SPOCD1: variants seen among roughly 807,000 people sequenced by gnomAD.
SPOCD1 encodes the protein SPOC domain containing 1.
Under a neutral mutation model 92.2 loss-of-function variants are expected in SPOCD1, and 64 were observed. The ratio of observed to expected loss-of-function variants is 0.69; its 90% CI spans 0.57 to 0.86. The LOEUF (loss-of-function observed/expected upper bound fraction) is 0.86. Among genes scored for constraint, SPOCD1 ranks in the 40% least tolerant of loss-of-function variants. The pLI is 0.00. For missense variants in SPOCD1, 1,360 were observed against 1,543.1 expected, an observed-to-expected ratio of 0.88 and a Z score of 1.99; for synonymous variants, 578 against 619.3, an observed-to-expected ratio of 0.93 and a Z score of 0.99.
intron 9 of SPOCD1, among the ~76,000 whole-genome samples, chr1:31,797,009 G>A (rs1648077706): frequency 6.6e-6 from 1 of 152,188 alleles, no homozygotes; most frequent in African/African-American, 2.4e-5. Flanking sequence ...TGGGAAGGGT[G>A]TGGTGTTGCT....
intron 2 of SPOCD1, among the ~76,000 whole-genome samples, chr1:31,808,496 A>G (rs959778907): frequency 2.7e-5 from 4 of 150,472 alleles, no homozygotes; most frequent in Non-Finnish European, 5.9e-5. Context: ...AATAATTATA[A>G]TAATAATTAT....
intron 2 of SPOCD1, among the ~76,000 whole-genome samples, chr1:31,810,665 G>A (rs1570202751): frequency 6.6e-6 from 1 of 152,142 alleles, no homozygotes; most frequent in Non-Finnish European, 1.5e-5. Flanking sequence ...ACCTTTAATG[G>A]TTAATGTAAG....
chr1:31,790,847 C>T lies in SPOCD1; in HGVS notation c.3407G>A (p.Gly1136Asp). ...ACAGGAGTCCCTGTGGAAGTGCTGG[C>T]CACGGCCAAAGCCATGACCAGCTGG... is the stretch of plus-strand genomic sequence containing the variant. Reference protein sequence around the residue: ...VAPAGHGFGRGQHFHRDSCPH... With the variant: ...VAPAGHGFGRDQHFHRDSCPH... Residue 1136 changes from glycine to aspartate, a missense_variant, in exon 16 of 16, where the codon GGC becomes GAC. Gly to Asp is a moderately conservative substitution (Grantham distance 94). This residue lies in a region of SPOCD1 where 614 missense variants were observed against 757.8 expected (regional missense o/e 0.81). Coordinates refer to ENST00000360482, the MANE Select transcript of SPOCD1 (RefSeq NM_144569.7). The T allele has an allele frequency of 2.6e-6, 4 of 1,545,288 alleles. No individual in the cohort carries two copies. Among genetic ancestry groups the T allele is most frequent in the East Asian group, 2.3e-5 (1 of 42,630 alleles).
At position 31,814,710 on chromosome 1, in the gene SPOCD1, T is replaced by C. The variant is rs746692907; in HGVS notation, c.624A>G (p.Lys208=). ...PDPVPVRVRK[K]WRRQGAHSEC... ...CTGAATGAGCCCCTTGCCTCCTCCATTTCTTTCTTACCCTCACAGGGACTG... is the reference window on the plus strand; with the variant it reads ...CTGAATGAGCCCCTTGCCTCCTCCACTTCTTTCTTACCCTCACAGGGACTG... Residue 208 remains lysine, a synonymous_variant, in exon 2 of 16, where the codon AAA becomes AAG. Transcript: ENST00000360482. The surrounding 1 kb of genome is among the most constrained non-coding windows in gnomAD (Gnocchi z 4.2). The C allele has an allele frequency of 1.2e-6, 2 of 1,606,576 alleles. No individual in the cohort carries two copies. The highest frequency in any genetic ancestry group is 2.2e-5 in the South Asian group (2 of 90,138).
At chr1:31,792,006 T>A in intron 15 of SPOCD1, 1 of 607,344 alleles carries the variant, frequency 1.6e-6, no homozygotes. Context: ...CAAGAATTCA[T>A]CTAGGTAAAG....
At chr1:31,795,957 G>A (rs1647980119) in intron 10 of SPOCD1, 1 of 158,450 alleles carries the variant, frequency 6.3e-6, no homozygotes, top group Non-Finnish European at 1.4e-5. Flanking sequence ...GCAGGAGTCT[G>A]AGATGATGGC....
chr1:31,813,553 G>C (rs566796355), intron 2 of SPOCD1, among the ~76,000 whole-genome samples: 12 of 152,364 alleles, frequency 7.9e-5, no homozygotes, highest in Non-Finnish European at 4.4e-5. Context: ...GTGAGCCACT[G>C]CACCAGGCCT....
rs370262961 is a variant in SPOCD1 at position 31,799,921 on chromosome 1, G to A, written c.1729-58C>T. The A allele has an allele frequency of 4.0e-5, 65 of 1,613,690 alleles. No individual in the cohort carries two copies. The African/African-American group carries it at 7.9e-4, about 20-fold the overall frequency. The stretch of plus-strand genomic sequence containing the variant: ...CTGGTGGGCCTGGCTTCCAGCCCAG[G>A]GGACACTGCTTCCTCTAGTCACCTC... On this transcript the variant is annotated intron_variant, in intron 5 of 15. Coordinates refer to ENST00000360482, the MANE Select transcript of SPOCD1 (RefSeq NM_144569.7).
chr1:31,802,406 G>A (rs1440153071), intron 2 of SPOCD1, among the ~76,000 whole-genome samples: 1 of 152,176 alleles, frequency 6.6e-6, no homozygotes, highest in Non-Finnish European at 1.5e-5. Flanking sequence ...GGCTCCAAGA[G>A]GATCTGAAAA....
rs1647526140 is a variant in SPOCD1, at chr1:31,790,776, T to C, written c.3478A>G (p.Ser1160Gly). The C allele has an allele frequency of 6.5e-7, 1 of 1,549,326 alleles. No individual in the cohort carries two copies. Among genetic ancestry groups the C allele is most frequent in the South Asian group, 1.2e-5 (1 of 83,818 alleles). Residue 1160 changes from serine (S) to glycine (G), a missense_variant, in exon 16 of 16, where the codon AGT becomes GGT. Ser to Gly is a moderately conservative substitution (Grantham distance 56). Transcript: ENST00000360482. Reference protein sequence around the residue: ...LRHLESLATMSHQLQALLCPQ... With the variant: ...LRHLESLATMGHQLQALLCPQ... Reference sequence around the variant, plus strand: ...CACAGTAAGGCTTGGAGCTGGTGACTCATGGTCGCCAGGGATTCGAGGTGC... The same window carrying C: ...CACAGTAAGGCTTGGAGCTGGTGACCCATGGTCGCCAGGGATTCGAGGTGC...
intron 10 of SPOCD1, 179 bp downstream of exon 10, chr1:31,796,411 C>G (rs1648024068): frequency 2.1e-6 from 2 of 973,318 alleles, no homozygotes. Flanking sequence ...CCTGTGCCAG[C>G]AGCACTGTCC....
At chr1:31,803,270 C>T (rs10798891) in intron 2 of SPOCD1, among the ~76,000 whole-genome samples, 100,989 of 151,932 alleles carry the variant, frequency 0.66, 33,601 homozygotes, top group South Asian at 0.72. Context: ...AAAAAACAAC[C>T]GGGCAGATTT....
chr1:31,790,682 G>T lies in SPOCD1; in HGVS notation c.3572C>A (p.Pro1191His), dbSNP rs1647517078. 6.4e-7 allele frequency: 1 copy of T among 1,551,938 alleles called. No homozygotes were observed. Among genetic ancestry groups the T allele is most frequent in the Non-Finnish European group, 8.7e-7 (1 of 1,147,080 alleles). The change falls in exon 16 of 16, where the codon CCC becomes CAC. Residue 1191 changes from proline (P) to histidine (H), a missense_variant. This residue lies in a region of SPOCD1 where 614 missense variants were observed against 757.8 expected (regional missense o/e 0.81). Coordinates refer to ENST00000360482, the MANE Select transcript of SPOCD1 (RefSeq NM_144569.7). Reference protein sequence around the residue: ...RLSSALAAPEPPGPARDSSLG... With the variant: ...RLSSALAAPEHPGPARDSSLG... ...AGAGGAGTCACGGGCTGGGCCAGGGGGCTCTGGAGCTGCAAGGGCGCTAGA... is the reference window on the plus strand; with the variant it reads ...AGAGGAGTCACGGGCTGGGCCAGGGTGCTCTGGAGCTGCAAGGGCGCTAGA...
In SPOCD1 at chr1:31,794,492, T is replaced by C. The variant is rs570575376; in HGVS notation, c.2272-257A>G. ...ATTCCTTTACAATCTTTTTCTTTTT[T>C]TTTCTTTTCTTTTTTTTTTTTTTGT... On this transcript the variant is annotated intron_variant, in intron 10 of 15. Transcript: ENST00000360482. 79 of 236,312 alleles carry C rather than the reference T, an allele frequency of 3.3e-4. 2 individuals carry two copies. The South Asian group carries it at 6.7e-3, about 20-fold the overall frequency. 14.6% of individuals were successfully genotyped at this position (236,312 alleles called of 1,614,324 possible). A position where few individuals can be genotyped will look rare whatever the true frequency, so the allele number is the denominator to read the frequency against.
chr1:31,815,121 C>A lies in SPOCD1; in HGVS notation c.213G>T (p.Arg71=), dbSNP rs1258992275. 1.9e-6 allele frequency: 3 copies of A among 1,609,474 alleles called. No homozygotes were observed. The highest frequency in any genetic ancestry group is 2.5e-6 in the Non-Finnish European group (3 of 1,176,740). ...GCCGGACCTCAGCAGCACCTGCAGC[C>A]CGGGAGCTGCCACCTCGAAGGGCCT... is the stretch of plus-strand genomic sequence containing the variant. ...RKEALRGGSS[R]AAGAAEVRPG... The change falls in exon 2 of 16, where the codon CGG becomes CGT. Residue 71 remains arginine, a synonymous_variant. Transcript: ENST00000360482.
chr1:31,793,773 C>A lies in SPOCD1; in HGVS notation c.2508G>T (p.Glu836Asp). ...TGTCCTGTGGTTCCGTGGGAGACAA[C>A]TCCCTGGTTTTGGGCATCTCTGGAG... Reference protein sequence around the residue: ...MPAPEMPKTRELSPTEPQDRV... With the variant: ...MPAPEMPKTRDLSPTEPQDRV... The change falls in exon 12 of 16, where the codon GAG becomes GAT. Residue 836 changes from glutamate to aspartate, a missense_variant. This residue lies in a region of SPOCD1 where 614 missense variants were observed against 757.8 expected (regional missense o/e 0.81). Coordinates refer to ENST00000360482, the MANE Select transcript of SPOCD1 (RefSeq NM_144569.7). The A allele has an allele frequency of 6.2e-7, 1 of 1,614,214 alleles. No homozygotes were observed. The highest frequency in any genetic ancestry group is 1.1e-5 in the South Asian group (1 of 91,090).
intron 14 of SPOCD1, 91 bp from the exon 15 acceptor site, chr1:31,792,492 T>A: frequency 7.3e-7 from 1 of 1,362,422 alleles, no homozygotes; most frequent in East Asian, 2.5e-5. Context: ...GAGAACCCCG[T>A]GAGAAAGTAT....
rs753099966 is a variant in SPOCD1 at position 31,814,473 on chromosome 1, A to T, written c.861T>A (p.Tyr287Ter). ...GGGGCCCATCCCCTGTAGCGGGCAA[A>T]TATCCAAATTTCTCAGTCCCTGAGG... ...GCASGTEKFG[Y>*]LPATGDGPQP... Residue 287 changes from tyrosine to a stop codon, truncating the protein, a stop_gained, in exon 2 of 16, where the codon TAT becomes TAA. Coordinates refer to ENST00000360482, the MANE Select transcript of SPOCD1 (RefSeq NM_144569.7). LOFTEE classifies it high-confidence loss of function. This position sits in a 1 kb window ranked among gnomAD's most constrained non-coding sequence, Gnocchi z 4.2. The T allele has an allele frequency of 1.6e-5, 26 of 1,576,514 alleles. No individual in the cohort carries two copies. Among genetic ancestry groups the T allele is most frequent in the Non-Finnish European group, 2.2e-5 (26 of 1,159,176 alleles).
At chr1:31,813,498 C>T (rs1024221136) in intron 2 of SPOCD1, among the ~76,000 whole-genome samples, 1 of 152,198 alleles carries the variant, frequency 6.6e-6, no homozygotes, top group African/African-American at 2.4e-5. Context: ...CTCTTGACCT[C>T]GTGATCCGCC....
Sources: allele counts gnomAD v4.1 joint callset (sites outside exome capture counted in the v4.1 genomes callset), GRCh38; gene constraint gnomAD v4.1.1; regional missense constraint gnomAD v4.1.1; non-coding constraint Gnocchi (gnomAD v3.1); transcripts MANE v1.5; gene names NCBI Gene and HGNC (gene_info 2026-07-23, HGNC 2026-07-21).